MYH11: variants seen among roughly 807,000 people sequenced by gnomAD.
MYH11 encodes the protein myosin-11.
A neutral mutation model predicts 246.6 loss-of-function variants in MYH11; 80 were observed. The observed-to-expected ratio is 0.32, with a 90% CI of 0.27 to 0.39. The LOEUF (loss-of-function observed/expected upper bound fraction) is 0.39, where lower values mean the gene tolerates loss of function less well. MYH11 is among the 10% of genes least tolerant of loss of function. The probability of loss-of-function intolerance (pLI) is 1.00; values close to 1 mark genes in which losing one functional copy is unlikely to be tolerated. For synonymous variants in MYH11, 1,071 were observed against 1,015.5 expected (o/e 1.05, Z -1.04); for missense variants, 2,158 against 2,546.8 (o/e 0.85, Z 3.29).
intron 8 of MYH11, among the ~76,000 whole-genome samples, chr16:15,771,913 T>A (rs1290385426): frequency 1.3e-5 from 2 of 151,944 alleles, no homozygotes; most frequent in Non-Finnish European, 2.9e-5. Context: ...GGTTGTGCAC[T>A]GCTCCAGTGA....
intron 2 of MYH11, among the ~76,000 whole-genome samples, chr16:15,829,317 G>A (rs1316966476): frequency 1.3e-5 from 2 of 152,132 alleles, no homozygotes; most frequent in Non-Finnish European, 2.9e-5. Context: ...TCCCAGTGCC[G>A]TGCACACAAC....
intron 20 of MYH11, among the ~76,000 whole-genome samples, chr16:15,743,329 T>C (rs1345441171): frequency 2.6e-5 from 4 of 152,116 alleles, no homozygotes; most frequent in Non-Finnish European, 5.9e-5. Flanking sequence ...CCACCACACC[T>C]GGCTAATTTT....
intron 3 of MYH11, among the ~76,000 whole-genome samples, chr16:15,815,245 A>C (rs1423510674): frequency 6.6e-6 from 1 of 152,238 alleles, no homozygotes; most frequent in East Asian, 1.9e-4. Flanking sequence ...GAAATCCACT[A>C]ATATGACAGA....
chr16:15,720,400 C>T lies in MYH11; in HGVS notation c.4792-88G>A, dbSNP rs2040404835. The T allele has an allele frequency of 8.7e-6, 13 of 1,500,072 alleles. No individual in the cohort carries two copies. The East Asian group carries it at 3.2e-4, about 37-fold the overall frequency. 92.9% of individuals were successfully genotyped at this position (1,500,072 alleles called of 1,614,324 possible). Reference sequence around the variant, plus strand: ...AGGCAGCACATCACTGCACCCCTTCCCCAGCACAGCCCCCTTGTGAGGTGG... The same window carrying T: ...AGGCAGCACATCACTGCACCCCTTCTCCAGCACAGCCCCCTTGTGAGGTGG... On this transcript the variant is annotated intron_variant, in intron 33 of 40. Transcript: ENST00000300036.
intron 13 of MYH11, 132 bp from the exon 14 acceptor site, chr16:15,756,646 T>C (rs1056147902): frequency 1.1e-6 from 1 of 919,088 alleles, no homozygotes; most frequent in African/African-American, 1.6e-5. Flanking sequence ...CATATAAAGA[T>C]GAGTTTATGA....
chr16:15,722,416 A>G (rs2040535280), intron 31 of MYH11, among the ~76,000 whole-genome samples: 1 of 152,178 alleles, frequency 6.6e-6, no homozygotes, highest in Non-Finnish European at 1.5e-5. Context: ...CTTCAGAGAG[A>G]ACAGAGCAGA....
chr16:15,727,153 A>G (rs1481996929), intron 27 of MYH11, 99 bp from the exon 28 acceptor site: 3 of 1,058,206 alleles, frequency 2.8e-6, no homozygotes, highest in African/African-American at 1.6e-5. Context: ...CCAGGAAGGC[A>G]CACAACAGGG....
intron 1 of MYH11, among the ~76,000 whole-genome samples, chr16:15,845,463 G>A (rs147084339): frequency 3.9e-5 from 6 of 152,084 alleles, no homozygotes; most frequent in East Asian, 1.9e-4. Context: ...TCTCACTTCC[G>A]GTGACTCTAA....
At chr16:15,823,617 A>G (rs145738884) in intron 2 of MYH11, among the ~76,000 whole-genome samples, 4 of 151,968 alleles carry the variant, frequency 2.6e-5, no homozygotes, top group African/African-American at 7.3e-5. Flanking sequence ...TTATTTTGCA[A>G]CTGTGGGGGG....
At chr16:15,852,298 T>G (rs553852585) in intron 1 of MYH11, among the ~76,000 whole-genome samples, 14 of 151,020 alleles carry the variant, frequency 9.3e-5, no homozygotes, top group Non-Finnish European at 1.9e-4. Context: ...GGGACTGCTG[T>G]CATATGTGAC....
At chr16:15,726,808 A>G in intron 28 of MYH11, 40 bp downstream of exon 28, 1 of 1,603,226 alleles carries the variant, frequency 6.2e-7, no homozygotes, top group Non-Finnish European at 8.5e-7. Context: ...ACTGGGCACC[A>G]CCCAGCACTG....
At chr16:15,784,368 G>C (rs2151304966) in intron 5 of MYH11, among the ~76,000 whole-genome samples, 1 of 152,260 alleles carries the variant, frequency 6.6e-6, no homozygotes, top group South Asian at 2.1e-4. Flanking sequence ...TCTCTGTCTA[G>C]GTTGTTCCAG....
chr16:15,727,865 C>G (rs2040842844), intron 27 of MYH11, among the ~76,000 whole-genome samples: 1 of 152,058 alleles, frequency 6.6e-6, no homozygotes, highest in African/African-American at 2.4e-5. Flanking sequence ...CCCAGCTACT[C>G]AGGAGGCGGA....
intron 15 of MYH11, among the ~76,000 whole-genome samples, chr16:15,752,003 A>G (rs1292454757): frequency 2.0e-5 from 3 of 151,328 alleles, no homozygotes; most frequent in Non-Finnish European, 4.4e-5. Context: ...CGTTGGCCAG[A>G]CTGGTCTCGA....
chr16:15,853,912 T>C (rs2044393360), intron 1 of MYH11, among the ~76,000 whole-genome samples: 1 of 152,092 alleles, frequency 6.6e-6, no homozygotes, highest in Non-Finnish European at 1.5e-5. Flanking sequence ...TAAACCCAGC[T>C]ACTCTCTACT....
intron 9 of MYH11, 90 bp downstream of exon 9, chr16:15,771,479 C>T: frequency 7.9e-7 from 1 of 1,271,416 alleles, no homozygotes; most frequent in Non-Finnish European, 1.1e-6. Flanking sequence ...ATTCAGAGAG[C>T]AGAAATCTGT....
chr16:15,705,211 G>A (rs952346505), intron 40 of MYH11, among the ~76,000 whole-genome samples: 4 of 152,124 alleles, frequency 2.6e-5, no homozygotes, highest in Non-Finnish European at 4.4e-5. Flanking sequence ...TGAACTCCTG[G>A]CCTCAAACGA....
chr16:15,756,229 G>A, intron 14 of MYH11, 112 bp downstream of exon 14: 1 of 1,207,300 alleles, frequency 8.3e-7, no homozygotes, highest in Non-Finnish European at 1.2e-6. Context: ...AGCAGCAGAT[G>A]GCTTTGCAGT....
At chr16:15,746,641 A>G (rs1354901431) in intron 19 of MYH11, among the ~76,000 whole-genome samples, 1 of 152,054 alleles carries the variant, frequency 6.6e-6, no homozygotes, top group East Asian at 1.9e-4. Context: ...CTGGGGTATG[A>G]CTTTCATTAA....
Sources: allele counts gnomAD v4.1 joint callset (sites outside exome capture counted in the v4.1 genomes callset), GRCh38; gene constraint gnomAD v4.1.1; transcripts MANE v1.5; gene names NCBI Gene and HGNC (gene_info 2026-07-23, HGNC 2026-07-21).